FBN2: variants seen among roughly 807,000 people sequenced by gnomAD.
FBN2 encodes the protein fibrillin-2.
In FBN2, 105 loss-of-function variants were observed where a neutral mutation model predicts 355.6. The ratio of observed to expected loss-of-function variants is 0.30; its 90% confidence interval spans 0.25 to 0.35. The LOEUF (loss-of-function observed/expected upper bound fraction) is 0.35, where lower values mean the gene tolerates loss of function less well. FBN2 is among the 10% of genes least tolerant of loss of function. The probability of loss-of-function intolerance (pLI) is 1.00; values close to 1 mark genes in which losing one functional copy is unlikely to be tolerated. For missense variants in FBN2, 3,280 were observed against 3,758.7 expected, an observed-to-expected ratio of 0.87 and a Z score of 3.33; for synonymous variants, 1,350 against 1,301.2, an observed-to-expected ratio of 1.04 and a Z score of -0.81.
rs1581226705 is a variant in FBN2 at position 128,338,803 on chromosome 5, CTT to C, written c.3472+128_3472+129del. On this transcript the variant is annotated intron_variant, in intron 26 of 64. Coordinates refer to ENST00000262464, the MANE Select transcript of FBN2 (RefSeq NM_001999.4). ...CATTTCCTGTCTGACATTTAAATCT[CTT>C]CTCTCTCTCACCACAGATGCTGGCC... 5.5e-6 allele frequency: 6 copies of C among 1,091,986 alleles called. No individual in the cohort carries two copies. In the East Asian group the frequency reaches 1.5e-4, roughly 27 times the overall value. The allele number at this position is 1,091,986 out of a possible 1,614,324, so 67.6% of individuals were successfully genotyped here.
At chr5:128,501,306 C>G (rs1377923622) in intron 5 of FBN2, among the ~76,000 whole-genome samples, 1 of 152,134 alleles carries the variant, frequency 6.6e-6, no homozygotes, top group African/African-American at 2.4e-5. Flanking sequence ...CTGCCCAAAT[C>G]CCAGCTGTGC....
Position 128,366,439 on chromosome 5 carries a change from CA to C in FBN2, c.2249-10del. The C allele has an allele frequency of 1.3e-6, 2 of 1,590,848 alleles. No individual in the cohort carries two copies. Among genetic ancestry groups the C allele is most frequent in the Admixed American group, 1.7e-5 (1 of 59,528 alleles). On this transcript the variant is annotated splice_polypyrimidine_tract_variant and intron_variant, in intron 16 of 64. Transcript: ENST00000262464. ...AAGGCCGTGGAATTCAGCTGTATGACAAAAAGAAATAGAAGAATTAAAAACT... is the reference window on the plus strand; with the variant it reads ...AAGGCCGTGGAATTCAGCTGTATGACAAAAGAAATAGAAGAATTAAAAACT...
At position 128,452,964 on chromosome 5, in the gene FBN2, A is replaced by C. The variant is rs115891541; in HGVS notation, c.827-6358T>G. Among the ~76,000 whole-genome samples the C allele has an allele frequency of 4.1e-3, 625 of 152,300 alleles. 2 individuals carry two copies. Among genetic ancestry groups the C allele is most frequent in the Middle Eastern group, 6.8e-3 (2 of 294 alleles). On this transcript the variant is annotated intron_variant, in intron 6 of 64. Coordinates refer to ENST00000262464, the MANE Select transcript of FBN2 (RefSeq NM_001999.4). ...AAATTCTTATTTCTATACTCTGTAG[A>C]TATTCACACATAATATTTTATTCCT...
chr5:128,275,513 T>C (rs968306813), intron 59 of FBN2, among the ~76,000 whole-genome samples: 3 of 151,952 alleles, frequency 2.0e-5, no homozygotes, highest in African/African-American at 7.2e-5. Flanking sequence ...TTTTAAAAAT[T>C]TGCTCAGTCC....
chr5:128,340,731 TCC>T (rs1392996664), intron 25 of FBN2, among the ~76,000 whole-genome samples: 1 of 152,182 alleles, frequency 6.6e-6, no homozygotes, highest in East Asian at 1.9e-4. Flanking sequence ...TGTCATAGAA[TCC>T]ACCTCATAGA....
chr5:128,327,466 TGC>T (rs1750582926), intron 34 of FBN2, among the ~76,000 whole-genome samples: 2 of 152,192 alleles, frequency 1.3e-5, no homozygotes, highest in South Asian at 4.1e-4. Context: ...TATGTGTGTG[TGC>T]ACGTGTGCCA....
chr5:128,390,779 T>G (rs902946016), intron 11 of FBN2, among the ~76,000 whole-genome samples: 9 of 152,196 alleles, frequency 5.9e-5, no homozygotes, highest in African/African-American at 1.7e-4. Context: ...GGCAGACATT[T>G]TCTTGAAAAT....
chr5:128,302,991 G>C lies in FBN2; in HGVS notation c.5899C>G (p.His1967Asp). The C allele has an allele frequency of 1.3e-6, 2 of 1,577,712 alleles. No homozygotes were observed. The highest frequency in any genetic ancestry group is 2.2e-5 in the South Asian group (2 of 90,268). Reference protein sequence around the residue: ...CLCYPGFELTHNNDCLDIDEC... With the variant: ...CLCYPGFELTDNNDCLDIDEC... ...TACTTACCCAGGCAATCATTATTAT[G>C]AGTGAGTTCAAACCCTGGGTAGCAC... The change falls in exon 46 of 65, where the codon CAT (histidine) becomes GAT (aspartate). Residue 1967 changes from histidine to aspartate, a missense_variant. Around this residue, in one of 6 missense-constraint regions of FBN2, gnomAD observed 2,284 missense variants for 2,749.5 expected, o/e 0.83. Transcript: ENST00000262464.
At position 128,259,758 on chromosome 5, in the gene FBN2, G is replaced by T. The variant is rs749797019; in HGVS notation, c.8436C>A (p.Leu2812=). The part of the protein sequence containing the change: ...PVNMKFNLSH[L]GSKEHILELR... The stretch of plus-strand genomic sequence containing the variant: ...GTTCCAGGATGTGCTCCTTAGAGCC[G>T]AGGTGGGAGAGGTTGAACTTCATGT... Residue 2812 remains leucine, a synonymous_variant, in exon 65 of 65, where the codon CTC becomes CTA. Transcript: ENST00000262464. 6.2e-7 allele frequency: 1 copy of T among 1,613,828 alleles called. No individual in the cohort carries two copies. Among genetic ancestry groups the T allele is most frequent in the Admixed American group, 1.7e-5 (1 of 59,986 alleles).
chr5:128,369,389 C>A, intron 15 of FBN2, 55 bp from the exon 16 acceptor site: 1 of 1,590,512 alleles, frequency 6.3e-7, no homozygotes, highest in Admixed American at 1.7e-5. Flanking sequence ...AAAGAGATTT[C>A]GAAACAGAAG....
chr5:128,439,262 C>A (rs1037102040), intron 7 of FBN2, among the ~76,000 whole-genome samples: 1 of 152,068 alleles, frequency 6.6e-6, no homozygotes, highest in South Asian at 2.1e-4. Flanking sequence ...AGAATTAAAA[C>A]TAAGTGATTA....
At chr5:128,490,672 A>T (rs1755476066) in intron 5 of FBN2, among the ~76,000 whole-genome samples, 1 of 152,210 alleles carries the variant, frequency 6.6e-6, no homozygotes, top group African/African-American at 2.4e-5. Context: ...ATTTTTTAAA[A>T]TTTAATTTTA....
intron 64 of FBN2, 74 bp downstream of exon 64, chr5:128,261,662 C>T (rs377625230): frequency 5.6e-5 from 78 of 1,399,336 alleles, no homozygotes; most frequent in African/African-American, 2.3e-4. Flanking sequence ...AGGCTGAAAA[C>T]GACGTGAACT....
intron 4 of FBN2, among the ~76,000 whole-genome samples, chr5:128,521,446 G>A (rs770143062): frequency 2.6e-5 from 4 of 152,052 alleles, no homozygotes; most frequent in Non-Finnish European, 4.4e-5. Context: ...AGGTTGATAG[G>A]TGCAACAAAC....
At chr5:128,523,355 T>C (rs1581369611) in intron 4 of FBN2, among the ~76,000 whole-genome samples, 1 of 152,116 alleles carries the variant, frequency 6.6e-6, no homozygotes, top group African/African-American at 2.4e-5. Context: ...CATTCCATCC[T>C]CATGTCCATT....
rs1756603928 is a variant in FBN2 at position 128,527,900 on chromosome 5, T to C, written c.504A>G (p.Lys168=). 2 of 1,611,974 alleles carry C rather than the reference T, an allele frequency of 1.2e-6. No homozygotes were observed. Among genetic ancestry groups the C allele is most frequent in the African/African-American group, 2.7e-5 (2 of 74,860 alleles). ...TCADDHCQCQ[K]GYIGTYCGQP... ...GTCCACAATAAGTTCCAATATATCC[T>C]TTCTGGCACTGGCAGTGGTCATCTG... The change falls in exon 4 of 65, where the codon AAA becomes AAG. Residue 168 remains lysine, a synonymous_variant. Coordinates refer to ENST00000262464, the MANE Select transcript of FBN2 (RefSeq NM_001999.4).
At chr5:128,280,643 G>T (rs1400413533) in intron 55 of FBN2, among the ~76,000 whole-genome samples, 1 of 152,134 alleles carries the variant, frequency 6.6e-6, no homozygotes, top group Non-Finnish European at 1.5e-5. Context: ...GAACTCTGGG[G>T]AAAAGAATGT....
At chr5:128,436,826 GC>G (rs1452065490) in intron 7 of FBN2, among the ~76,000 whole-genome samples, 2 of 152,144 alleles carry the variant, frequency 1.3e-5, no homozygotes, top group African/African-American at 4.8e-5. Flanking sequence ...GAATCCCTTG[GC>G]AGTTATTCCC....
intron 4 of FBN2, 135 bp downstream of exon 4, chr5:128,527,737 A>G: frequency 3.1e-6 from 2 of 655,582 alleles, no homozygotes; most frequent in East Asian, 5.8e-5. Context: ...AAAATTAGAA[A>G]TTCAGTTTTA....
Sources: gnomAD v4.1 joint callset for allele counts (sites outside exome capture counted in the v4.1 genomes callset) on GRCh38, gnomAD v4.1.1 for gene constraint, gnomAD v4.1.1 regional missense constraint, MANE v1.5 for transcripts, NCBI Gene and HGNC (gene_info 2026-07-23, HGNC 2026-07-21) for gene names.